Variants in SYCP2L observed in about 807,000 individuals in gnomAD.
The protein encoded by SYCP2L is synaptonemal complex protein 2 like, also known as synaptonemal complex protein 2-like.
A neutral mutation model predicts 125.8 loss-of-function variants in SYCP2L; 98 were observed. The observed-to-expected ratio is 0.78, with a 90% CI of 0.66 to 0.92. The LOEUF (loss-of-function observed/expected upper bound fraction) is 0.92. SYCP2L is among the 40% of genes least tolerant of loss of function. SYCP2L has a pLI of 0.00. For synonymous variants in SYCP2L, 317 were observed against 325.4 expected (o/e 0.97, Z 0.28); for missense variants, 842 against 936.4 (o/e 0.90, Z 1.32).
At chr6:10,973,210 C>G (rs1007834553) in intron 29 of SYCP2L, among the ~76,000 whole-genome samples, 3 of 152,124 alleles carry the variant, frequency 2.0e-5, no homozygotes, top group African/African-American at 7.2e-5. Context: ...GATATCAGCT[C>G]CTACCAACCT....
At position 10,906,062 on chromosome 6, in the gene SYCP2L, AT is replaced by A; in HGVS notation, c.676+12del. The A allele has an allele frequency of 6.3e-7, 1 of 1,576,504 alleles. No homozygotes were observed. Among genetic ancestry groups the A allele is most frequent in the Non-Finnish European group, 8.7e-7 (1 of 1,147,592 alleles). On this transcript the variant is annotated intron_variant, in intron 9 of 29. Coordinates refer to ENST00000283141, the MANE Select transcript of SYCP2L (RefSeq NM_001040274.3). The stretch of plus-strand genomic sequence containing the variant: ...CACTCTTGACTGTGGGTGGTAAGAA[AT>A]TTTAGAATTTTCAGTATTAGAATAT...
chr6:10,899,113 C>T (rs1397235377), intron 6 of SYCP2L, among the ~76,000 whole-genome samples: 4 of 152,170 alleles, frequency 2.6e-5, no homozygotes, highest in African/African-American at 9.7e-5. Context: ...TCACTTTTGT[C>T]ATTCAAATAT....
intron 25 of SYCP2L, among the ~76,000 whole-genome samples, chr6:10,957,669 T>A (rs1195204488): frequency 6.6e-6 from 1 of 152,128 alleles, no homozygotes; most frequent in Non-Finnish European, 1.5e-5. Context: ...TTTTAAAAAT[T>A]AGCCAGACAT....
intron 23 of SYCP2L, among the ~76,000 whole-genome samples, chr6:10,944,397 A>G (rs898283049): frequency 2.0e-5 from 3 of 152,212 alleles, no homozygotes; most frequent in African/African-American, 7.2e-5. Context: ...TCTTCGTAAT[A>G]CATTCTGGAC....
intron 8 of SYCP2L, among the ~76,000 whole-genome samples, chr6:10,903,416 T>C (rs764903633): frequency 4.3e-4 from 65 of 152,196 alleles, no homozygotes; most frequent in African/African-American, 1.0e-3. Context: ...GCTGTGGTGG[T>C]GGGCACCTGT....
At chr6:10,942,334 T>A in intron 21 of SYCP2L, 125 bp from the exon 22 acceptor site, 1 of 627,234 alleles carries the variant, frequency 1.6e-6, no homozygotes, top group Non-Finnish European at 2.6e-6. Flanking sequence ...GTCAGTAGAT[T>A]TTTGTTTCAC....
chr6:10,969,367 T>G (rs1224688623), intron 29 of SYCP2L, among the ~76,000 whole-genome samples: 1 of 148,118 alleles, frequency 6.8e-6, no homozygotes, highest in Non-Finnish European at 1.5e-5. Context: ...TCTTTTTTTT[T>G]TTTTTTTTTT....
At chr6:10,913,867 T>C (rs1581823758) in intron 14 of SYCP2L, among the ~76,000 whole-genome samples, 1 of 152,200 alleles carries the variant, frequency 6.6e-6, no homozygotes, top group African/African-American at 2.4e-5. Context: ...GTTTTGCTCT[T>C]GTTGCCCAGG....
At chr6:10,926,647 T>C (rs1025398357) in intron 16 of SYCP2L, among the ~76,000 whole-genome samples, 1 of 152,064 alleles carries the variant, frequency 6.6e-6, no homozygotes, top group African/African-American at 2.4e-5. Flanking sequence ...GAAGAAATGA[T>C]GGGGTTTGGG....
Position 10,935,175 on chromosome 6 carries a change from G to T in SYCP2L, c.1801G>T (p.Ala601Ser). The T allele has an allele frequency of 6.2e-7, 1 of 1,611,934 alleles. No individual in the cohort carries two copies. The highest frequency in any genetic ancestry group is 2.2e-5 in the East Asian group (1 of 44,714). ...SFAFLTAEDS[A>S]QKTELQDPHS... ...TGCTTTTTTGACTGCTGAAGATTCT[G>T]CCCAGAAAACAGGTACATGATTTTC... The change falls in exon 21 of 30, where the codon GCC (alanine) becomes TCC (serine). Residue 601 changes from alanine to serine, a missense_variant. Coordinates refer to ENST00000283141, the MANE Select transcript of SYCP2L (RefSeq NM_001040274.3).
At chr6:10,920,137 G>A (rs1170400785) in intron 14 of SYCP2L, among the ~76,000 whole-genome samples, 1 of 152,140 alleles carries the variant, frequency 6.6e-6, no homozygotes. Flanking sequence ...TTGTCTCAAG[G>A]CAATCTCCTG....
At chr6:10,904,499 T>G (rs994837690) in intron 8 of SYCP2L, among the ~76,000 whole-genome samples, 2 of 152,160 alleles carry the variant, frequency 1.3e-5, no homozygotes, top group African/African-American at 2.4e-5. Context: ...TACACAGAAT[T>G]TTTCCTAAAC....
chr6:10,932,760 A>T (rs187632496), intron 20 of SYCP2L, among the ~76,000 whole-genome samples: 4,608 of 152,100 alleles, frequency 0.03, 183 homozygotes, highest in East Asian at 0.21. Flanking sequence ...CTTCAAAAAA[A>T]ATTTTTTTTT....
chr6:10,894,091 G>C lies in SYCP2L; in HGVS notation c.223G>C (p.Asp75His). The C allele has an allele frequency of 1.2e-6, 2 of 1,611,526 alleles. No individual in the cohort carries two copies. The highest frequency in any genetic ancestry group is 1.7e-6 in the Non-Finnish European group (2 of 1,179,494). ...RLDRSINKEL[D>H]KNEFQSVSLL... ...TAGTGTGGTTTATACCTAGGAACTA[G>C]ATAAAAATGAATTTCAGTCTGTGTC... Residue 75 changes from aspartate to histidine, a missense_variant, in exon 4 of 30, where the codon GAT becomes CAT. Asp to His is a moderately conservative substitution (Grantham distance 81). Transcript: ENST00000283141.
intron 29 of SYCP2L, among the ~76,000 whole-genome samples, chr6:10,966,515 C>A (rs1374404501): frequency 2.0e-5 from 3 of 152,138 alleles, no homozygotes; most frequent in Non-Finnish European, 4.4e-5. Flanking sequence ...ATAAAGGCGT[C>A]CATTCTGCCT....
intron 12 of SYCP2L, 137 bp downstream of exon 12, chr6:10,911,006 C>T (rs1423848439): frequency 3.4e-6 from 3 of 886,760 alleles, no homozygotes; most frequent in African/African-American, 3.3e-5. Flanking sequence ...CTTCTAATGA[C>T]CTCAGTTCTC....
intron 20 of SYCP2L, 79 bp from the exon 21 acceptor site, chr6:10,934,979 A>G: frequency 7.8e-7 from 1 of 1,282,586 alleles, no homozygotes; most frequent in African/African-American, 1.5e-5. Flanking sequence ...TTAAAGTAAT[A>G]TTGAAAATGT....
At chr6:10,930,347 T>G in intron 18 of SYCP2L, 23 bp from the exon 19 acceptor site, 1 of 1,595,790 alleles carries the variant, frequency 6.3e-7, no homozygotes, top group Non-Finnish European at 8.5e-7. Flanking sequence ...CTAAAAATTC[T>G]CATTTATGAT....
In SYCP2L at chr6:10,931,459, C is replaced by A; in HGVS notation, c.1653C>A (p.Pro551=). 6.2e-7 allele frequency: 1 copy of A among 1,614,058 alleles called. No homozygotes were observed. Among genetic ancestry groups the A allele is most frequent in the Non-Finnish European group, 8.5e-7 (1 of 1,179,972 alleles). The part of the protein sequence containing the change: ...SNLRILPVFP[P]SSGSGHEKDQ... ...ATTTAGTCTTGCCAGTTTTCCCTCC[C>A]AGTAGTGGCAGTGGCCATGAGAAAG... The change falls in exon 20 of 30, where the codon CCC becomes CCA. Residue 551 remains proline (P), a synonymous_variant. Transcript: ENST00000283141.
Sources: gnomAD v4.1 joint callset for allele counts (sites outside exome capture counted in the v4.1 genomes callset) on GRCh38, gnomAD v4.1.1 for gene constraint, MANE v1.5 for transcripts, NCBI Gene and HGNC (gene_info 2026-07-23, HGNC 2026-07-21) for gene names.